TULP2: variants seen among roughly 807,000 people sequenced by gnomAD.
TULP2 encodes the protein TUB like protein 2, also known as tubby-related protein 2.
In TULP2, 64 loss-of-function variants were observed where a neutral mutation model predicts 60.3. The observed-to-expected ratio is 1.06, with a 90% confidence interval of 0.87 to 1.31. The LOEUF (loss-of-function observed/expected upper bound fraction) is 1.31, where lower values mean the gene tolerates loss of function less well. Ranked by LOEUF, TULP2 falls within the 50% of genes most tolerant of loss-of-function variation. TULP2 has a pLI of 0.00. For missense variants in TULP2, 652 were observed against 667.0 expected, an observed-to-expected ratio of 0.98 and a Z score of 0.25; for synonymous variants, 267 against 265.4, an observed-to-expected ratio of 1.01 and a Z score of -0.06.
intron 11 of TULP2, 81 bp downstream of exon 11, chr19:48,883,673 T>C (rs1234767569): frequency 9.9e-6 from 15 of 1,508,012 alleles, no homozygotes; most frequent in Non-Finnish European, 1.4e-5. Context: ...CCTCCTCTTC[T>C]TCTTCCTCCT....
chr19:48,895,803 CG>C (rs1039174453), intron 4 of TULP2, among the ~76,000 whole-genome samples: 2 of 152,082 alleles, frequency 1.3e-5, no homozygotes, highest in African/African-American at 4.8e-5. Flanking sequence ...CGCTTGAACC[CG>C]GGAGACGGAG....
intron 11 of TULP2, among the ~76,000 whole-genome samples, chr19:48,883,230 A>G (rs1334223800): frequency 2.6e-5 from 4 of 151,870 alleles, no homozygotes; most frequent in South Asian, 2.1e-4. Flanking sequence ...AAAAAAAAAA[A>G]AAAGAAAGAA....
Position 48,895,413 on chromosome 19 carries a change from C to T in TULP2, c.302G>A (p.Gly101Glu). ...HSALGTVSCG[G>E]DGRGERGLPT... The stretch of plus-strand genomic sequence containing the variant: ...GAGGCCGCGCTCGCCCCTGCCGTCT[C>T]CACCACAGCTCACGGTGCCCAGGGC... The change falls in exon 5 of 13, where the codon GGA becomes GAA. Residue 101 changes from glycine to glutamate, a missense_variant. Transcript: ENST00000221399. 2 of 1,614,012 alleles carry T rather than the reference C, an allele frequency of 1.2e-6. No individual in the cohort carries two copies. Among genetic ancestry groups the T allele is most frequent in the Non-Finnish European group, 1.7e-6 (2 of 1,179,980 alleles).
Position 48,883,989 on chromosome 19 carries a change from C to T in TULP2, c.1119G>A (p.Arg373=). 1 of 1,614,062 alleles carries T rather than the reference C, an allele frequency of 6.2e-7. No individual in the cohort carries two copies. The highest frequency in any genetic ancestry group is 1.3e-5 in the African/African-American group (1 of 74,984). ...GGGCAGTATTCCTGGTTAAATGCTC[C>T]CGGTCAGGATTCACCCCATTGTCAA... is the stretch of plus-strand genomic sequence containing the variant. ...TIFDNGVNPD[R]EHLTRNTARI... is the part of the protein sequence containing the mutation. Residue 373 remains arginine, a synonymous_variant, in exon 10 of 13, where the codon CGG becomes CGA. Transcript: ENST00000221399.
intron 12 of TULP2, among the ~76,000 whole-genome samples, chr19:48,881,817 C>G (rs961682881): frequency 6.6e-6 from 1 of 152,106 alleles, no homozygotes; most frequent in East Asian, 1.9e-4. Flanking sequence ...CGCGCCAGGC[C>G]GAGAATGGAG....
In TULP2 at chr19:48,885,432, T is replaced by C. The variant is rs2037170589; in HGVS notation, c.1061+16A>G. On this transcript the variant is annotated intron_variant, in intron 9 of 12. Transcript: ENST00000221399. Reference sequence around the variant, plus strand: ...CCTGCTACCTGCTCCTCACCACATGTCAGAGCTCTACCCACCTGACTTTGC... The same window carrying C: ...CCTGCTACCTGCTCCTCACCACATGCCAGAGCTCTACCCACCTGACTTTGC... The C allele has an allele frequency of 3.1e-6, 5 of 1,610,300 alleles. No individual in the cohort carries two copies. Among genetic ancestry groups the C allele is most frequent in the Admixed American group, 1.7e-5 (1 of 59,954 alleles).
At chr19:48,887,889 G>C in intron 8 of TULP2, 61 bp downstream of exon 8, 1 of 1,548,474 alleles carries the variant, frequency 6.5e-7, no homozygotes, top group Non-Finnish European at 8.8e-7. Flanking sequence ...TCAGAAAGGA[G>C]TGGGATTTTG....
At chr19:48,894,223 TG>T (rs2037258171) in intron 6 of TULP2, among the ~76,000 whole-genome samples, 1 of 151,766 alleles carries the variant, frequency 6.6e-6, no homozygotes, top group South Asian at 2.1e-4. Flanking sequence ...AGTAGAGACA[TG>T]GTTTCGTCAC....
At chr19:48,892,052 G>C (rs1568574747) in intron 6 of TULP2, among the ~76,000 whole-genome samples, 1 of 152,204 alleles carries the variant, frequency 6.6e-6, no homozygotes, top group South Asian at 2.1e-4. Context: ...AGAATGTATG[G>C]TCGGTTTTAC....
Position 48,895,505 on chromosome 19 carries a change from T to G in TULP2, c.212-2A>C. The G allele has an allele frequency of 2.5e-6, 4 of 1,600,566 alleles. No individual in the cohort carries two copies. The highest frequency in any genetic ancestry group is 3.4e-6 in the Non-Finnish European group (4 of 1,170,098). ...TCCGGAGGAAAGGGTTCCCAAGGCC[T>G]GGGAGAAGGTTCAGCGAGCCCATGA... On this transcript the variant is annotated splice_acceptor_variant, in intron 4 of 12. Transcript: ENST00000221399. LOFTEE classifies it high-confidence loss of function.
intron 6 of TULP2, among the ~76,000 whole-genome samples, chr19:48,892,390 T>C (rs571325447): frequency 6.6e-6 from 1 of 152,294 alleles, no homozygotes; most frequent in African/African-American, 2.4e-5. Context: ...CCAAAGCACA[T>C]CCTGCCCAGC....
rs1454550706 is a variant in TULP2, at chr19:48,891,274, A to G, written c.515-1643T>C. Among the ~76,000 whole-genome samples, 4 of 147,698 alleles carry G rather than the reference A, an allele frequency of 2.7e-5. No individual in the cohort carries two copies. The East Asian group carries it at 8.0e-4, about 30-fold the overall frequency. ...GGGAGGCGGAGCTTGCAGTGAGCCGAGATTGTGCCACTGCACTCCAGCCTG... is the reference window on the plus strand; with the variant it reads ...GGGAGGCGGAGCTTGCAGTGAGCCGGGATTGTGCCACTGCACTCCAGCCTG... On this transcript the variant is annotated intron_variant, in intron 6 of 12. Coordinates refer to ENST00000221399, the MANE Select transcript of TULP2 (RefSeq NM_003323.3).
chr19:48,881,213 T>TG, intron 12 of TULP2, 87 bp from the exon 13 acceptor site: 1 of 345,054 alleles, frequency 2.9e-6, no homozygotes, highest in East Asian at 7.4e-5. Flanking sequence ...TTTTTTTTCT[T>TG]TTTTTTTTTT....
chr19:48,892,632 T>G (rs1055226565), intron 6 of TULP2, among the ~76,000 whole-genome samples: 1 of 151,734 alleles, frequency 6.6e-6, no homozygotes, highest in Non-Finnish European at 1.5e-5. Flanking sequence ...GCCTCCCGAA[T>G]AGCTGGGACT....
intron 8 of TULP2, among the ~76,000 whole-genome samples, chr19:48,886,677 A>G (rs10416780): frequency 0.49 from 74,284 of 151,804 alleles, 21,250 homozygotes; most frequent in African/African-American, 0.81. Flanking sequence ...CAGGGGAGGG[A>G]CCTGGTTGCT....
At chr19:48,889,366 GCACA>G in intron 7 of TULP2, 140 bp downstream of exon 7, 22 of 1,263,068 alleles carry the variant, frequency 1.7e-5, no homozygotes, top group Admixed American at 4.7e-5. Flanking sequence ...ACGCACGCAC[GCACA>G]CACACAAGTC....
intron 11 of TULP2, 57 bp downstream of exon 11, chr19:48,883,697 G>A: frequency 1.9e-6 from 3 of 1,591,184 alleles, no homozygotes; most frequent in Non-Finnish European, 2.6e-6. Context: ...GGATCTAGGA[G>A]GACCGGCCCC....
rs1213168803 is a variant in TULP2, at chr19:48,897,637, G to A, written c.32+200C>T. ...CTGTCTCAGGATTCAGGAGTCTGGG[G>A]CCCCCAACCCCTTCTCTTTCAGACC... On this transcript the variant is annotated intron_variant, in intron 2 of 12. Transcript: ENST00000221399. This position sits in a 1 kb window ranked among gnomAD's most constrained non-coding sequence, Gnocchi z 4.0. Among the ~76,000 whole-genome samples the A allele has an allele frequency of 6.6e-6, 1 of 152,112 alleles. No individual in the cohort carries two copies. The highest frequency in any genetic ancestry group is 1.5e-5 in the Non-Finnish European group (1 of 68,018).
At chr19:48,887,434 C>T (rs999381884) in intron 8 of TULP2, among the ~76,000 whole-genome samples, 2 of 148,936 alleles carry the variant, frequency 1.3e-5, no homozygotes, top group African/African-American at 4.9e-5. Flanking sequence ...AAGCAATCCT[C>T]TCACCTCAGC....
Sources: allele counts gnomAD v4.1 joint callset (sites outside exome capture counted in the v4.1 genomes callset), GRCh38; gene constraint gnomAD v4.1.1; non-coding constraint Gnocchi (gnomAD v3.1); transcripts MANE v1.5; gene names NCBI Gene and HGNC (gene_info 2026-07-23, HGNC 2026-07-21).